The following ADIPOR2 variants were observed in gnomAD, a reference collection of about 807,000 sequenced individuals.
ADIPOR2 encodes the protein adiponectin receptor protein 2.
In ADIPOR2, 18 loss-of-function variants were observed where a neutral mutation model predicts 40.9. That is an observed-to-expected ratio of 0.44 (90% CI 0.30 to 0.65). The LOEUF (loss-of-function observed/expected upper bound fraction) is 0.65. Ranked by LOEUF, ADIPOR2 falls within the 30% of genes least tolerant of loss-of-function variation. The pLI, the probability that ADIPOR2 is intolerant of heterozygous loss-of-function variation, is 0.09. For missense variants in ADIPOR2, 283 were observed against 479.2 expected (o/e 0.59, Z 3.82); for synonymous variants, 165 against 166.4 (o/e 0.99, Z 0.06).
At chr12:1,694,390 A>G (rs531667587) in intron 1 of ADIPOR2, among the ~76,000 whole-genome samples, 1 of 152,386 alleles carries the variant, frequency 6.6e-6, no homozygotes, top group East Asian at 1.9e-4. Flanking sequence ...CAGATGCTCA[A>G]ATCTCTGATA....
intron 1 of ADIPOR2, among the ~76,000 whole-genome samples, chr12:1,724,667 C>T (rs1228416620): frequency 2.0e-5 from 3 of 151,954 alleles, no homozygotes; most frequent in Non-Finnish European, 4.4e-5. Flanking sequence ...TTTACTATGC[C>T]ATCATGCCTG....
chr12:1,746,621 T>C (rs2094755606), intron 1 of ADIPOR2, among the ~76,000 whole-genome samples: 3 of 152,148 alleles, frequency 2.0e-5, no homozygotes, highest in South Asian at 2.1e-4. Flanking sequence ...CCAAATAACC[T>C]GAAGCAAATA....
chr12:1,772,731 G>C, intron 2 of ADIPOR2, 111 bp from the exon 3 acceptor site: 1 of 1,331,072 alleles, frequency 7.5e-7, no homozygotes, highest in Non-Finnish European at 1.0e-6. Flanking sequence ...TCTTGTCTAA[G>C]GCCTTGTTTT....
intron 1 of ADIPOR2, among the ~76,000 whole-genome samples, chr12:1,739,120 A>G (rs2094737304): frequency 6.6e-6 from 1 of 152,242 alleles, no homozygotes. Context: ...ACAGTAAAAC[A>G]TGAATTCTTT....
At chr12:1,742,195 C>T (rs541389052) in intron 1 of ADIPOR2, among the ~76,000 whole-genome samples, 6 of 152,270 alleles carry the variant, frequency 3.9e-5, no homozygotes, top group South Asian at 2.1e-4. Context: ...TAAGCTCAAG[C>T]GATCCTCCCA....
At chr12:1,779,929 T>C in intron 4 of ADIPOR2, among the ~76,000 whole-genome samples, 1 of 152,214 alleles carries the variant, frequency 6.6e-6, no homozygotes, top group East Asian at 1.9e-4. Context: ...CATTTTGTCC[T>C]TAACTCTTGA....
intron 1 of ADIPOR2, among the ~76,000 whole-genome samples, chr12:1,715,019 C>T (rs1206157784): frequency 2.0e-5 from 3 of 152,012 alleles, no homozygotes; most frequent in Admixed American, 6.5e-5. Context: ...GGGACATAAC[C>T]GATAGCCTGG....
intron 1 of ADIPOR2, among the ~76,000 whole-genome samples, chr12:1,728,759 G>C (rs1256900027): frequency 2.6e-5 from 4 of 151,950 alleles, no homozygotes; most frequent in Admixed American, 2.6e-4. Flanking sequence ...ATAAAAGAAA[G>C]CTCTGCATGA....
chr12:1,774,787 C>T (rs1862553037), intron 3 of ADIPOR2, among the ~76,000 whole-genome samples: 1 of 152,228 alleles, frequency 6.6e-6, no homozygotes. Context: ...TCACTGCAAC[C>T]TCCAACTCCC....
intron 3 of ADIPOR2, among the ~76,000 whole-genome samples, chr12:1,775,276 A>AT (rs1862566671): frequency 6.6e-6 from 1 of 152,080 alleles, no homozygotes; most frequent in Admixed American, 6.5e-5. Context: ...CCGTGATCTT[A>AT]TTTTTTTATT....
At chr12:1,757,741 A>G (rs1251435796) in intron 2 of ADIPOR2, 7 of 1,261,130 alleles carry the variant, frequency 5.6e-6, no homozygotes, top group Non-Finnish European at 7.0e-6. Context: ...CGTCTTGTCA[A>G]TGCTGATGAC....
intron 1 of ADIPOR2, among the ~76,000 whole-genome samples, chr12:1,694,851 G>A (rs899856372): frequency 1.5e-4 from 23 of 151,934 alleles, no homozygotes; most frequent in African/African-American, 4.6e-4. Context: ...AATTTGAGCC[G>A]ATAGCACAGA....
At position 1,783,872 on chromosome 12, in the gene ADIPOR2, A is replaced by G; in HGVS notation, c.839-8A>G. The G allele has an allele frequency of 6.4e-7, 1 of 1,564,410 alleles. No homozygotes were observed. Among genetic ancestry groups the G allele is most frequent in the Non-Finnish European group, 8.7e-7 (1 of 1,152,898 alleles). ...TGCATTACTTTACTCTCTTCTTGTGACTCCTAGGAGTGTTTTTGGGCCTAG... is the reference window on the plus strand; with the variant it reads ...TGCATTACTTTACTCTCTTCTTGTGGCTCCTAGGAGTGTTTTTGGGCCTAG... On this transcript the variant is annotated splice_region_variant and splice_polypyrimidine_tract_variant and intron_variant, in intron 6 of 7. Coordinates refer to ENST00000357103, the MANE Select transcript of ADIPOR2 (RefSeq NM_024551.3).
At chr12:1,776,791 ACTGT>A (rs1003449213) in intron 3 of ADIPOR2, among the ~76,000 whole-genome samples, 57 of 152,300 alleles carry the variant, frequency 3.7e-4, no homozygotes, top group African/African-American at 1.3e-3. Flanking sequence ...TTAGTCACTA[ACTGT>A]CTGACAGGAG....
At chr12:1,709,414 T>G (rs1187496461) in intron 1 of ADIPOR2, among the ~76,000 whole-genome samples, 5 of 152,220 alleles carry the variant, frequency 3.3e-5, no homozygotes, top group Non-Finnish European at 7.3e-5. Flanking sequence ...GTATGTAGAT[T>G]ACAATTGATT....
intron 1 of ADIPOR2, among the ~76,000 whole-genome samples, chr12:1,716,712 G>T (rs1033300921): frequency 6.6e-6 from 1 of 152,024 alleles, no homozygotes; most frequent in Non-Finnish European, 1.5e-5. Flanking sequence ...TTACATTTTC[G>T]GTATTTATTC....
At chr12:1,695,011 GT>G (rs199627849) in intron 1 of ADIPOR2, among the ~76,000 whole-genome samples, 230 of 128,326 alleles carry the variant, frequency 1.8e-3, no homozygotes, top group African/African-American at 5.8e-3. Context: ...TTGTGTTGCA[GT>G]TTTTTTTTTT....
intron 2 of ADIPOR2, chr12:1,757,127 C>A: frequency 4.0e-6 from 1 of 252,876 alleles, no homozygotes; most frequent in Non-Finnish European, 7.5e-6. Flanking sequence ...GAAAGAATTT[C>A]AGGCTAGCCA....
intron 1 of ADIPOR2, among the ~76,000 whole-genome samples, chr12:1,713,854 C>T (rs186627806): frequency 3.9e-5 from 6 of 152,068 alleles, no homozygotes; most frequent in Non-Finnish European, 7.4e-5. Context: ...CGGATGGTAA[C>T]GGACCTTGAG....
Sources: gnomAD v4.1 joint callset for allele counts (sites outside exome capture counted in the v4.1 genomes callset) on GRCh38, gnomAD v4.1.1 for gene constraint, MANE v1.5 for transcripts, NCBI Gene and HGNC (gene_info 2026-07-23, HGNC 2026-07-21) for gene names.